The following RNF34 variants were observed in gnomAD, a reference collection of about 807,000 sequenced individuals.
The protein encoded by RNF34 is ring finger protein 34.
In RNF34, 12 loss-of-function variants were observed where a neutral mutation model predicts 37.9. The ratio of observed to expected loss-of-function variants is 0.32; its 90% confidence interval spans 0.20 to 0.51. The LOEUF is 0.51. Ranked by LOEUF, RNF34 falls within the 20% of genes least tolerant of loss-of-function variation. The probability of loss-of-function intolerance (pLI) is 0.97; values close to 1 mark genes in which losing one functional copy is unlikely to be tolerated. For missense variants in RNF34, 362 were observed against 472.7 expected (o/e 0.77, Z 2.17); for synonymous variants, 155 against 177.2 (o/e 0.87, Z 1.00).
At chr12:121,412,724 C>CTTTTT (rs1409875276) in intron 1 of RNF34, among the ~76,000 whole-genome samples, 2 of 121,916 alleles carry the variant, frequency 1.6e-5, no homozygotes, top group Non-Finnish European at 3.5e-5. Context: ...GATGTTCATG[C>CTTTTT]TTTTTTTTTT....
At position 121,423,395 on chromosome 12, in the gene RNF34, G is replaced by A. The variant is rs369744966; in HGVS notation, c.938G>A (p.Arg313Gln). The change falls in exon 6 of 6, where the codon CGG becomes CAG. Residue 313 changes from arginine to glutamine, a missense_variant. By Grantham distance (43) the Arg-to-Gln change is conservative (BLOSUM62 1). Transcript: ENST00000361234. This position sits in a 1 kb window ranked among gnomAD's most constrained non-coding sequence, Gnocchi z 4.3. ...NEENQKSYGE[R>Q]LQLQDEEDDS... ...CTCTGTTGCCTTTCAGATGGCGAGC[G>A]GCTGCAGCTGCAGGATGAGGAAGAC... 3.2e-5 allele frequency: 51 copies of A among 1,605,570 alleles called. No homozygotes were observed. The Middle Eastern group carries it at 6.6e-4, about 21-fold the overall frequency.
At position 121,400,191 on chromosome 12, in the gene RNF34, C is replaced by T. The variant is rs782288414; in HGVS notation, c.-22C>T. 1 of 1,607,784 alleles carries T rather than the reference C, an allele frequency of 6.2e-7. No homozygotes were observed. Among genetic ancestry groups the T allele is most frequent in the East Asian group, 2.2e-5 (1 of 44,600 alleles). On this transcript the variant is annotated 5_prime_UTR_variant, in exon 1 of 6. Coordinates refer to ENST00000361234, the MANE Select transcript of RNF34 (RefSeq NM_025126.4). ...GTGCTGAGTTTCCTGGTAGAGCCGG[C>T]CGAGCTGAGGCGGTCGCGGCCATGA...
intron 5 of RNF34, among the ~76,000 whole-genome samples, chr12:121,421,187 C>G (rs1872094958): frequency 6.6e-6 from 1 of 151,818 alleles, no homozygotes; most frequent in African/African-American, 2.4e-5. Flanking sequence ...TTACATAGTT[C>G]TTAGCATCAA....
intron 1 of RNF34, among the ~76,000 whole-genome samples, chr12:121,411,093 C>T (rs940318579): frequency 2.0e-5 from 3 of 152,132 alleles, no homozygotes; most frequent in African/African-American, 7.2e-5. Context: ...GCCACCACAC[C>T]TGGCTAATTT....
At chr12:121,407,277 C>T (rs1315446287) in intron 1 of RNF34, among the ~76,000 whole-genome samples, 23 of 152,124 alleles carry the variant, frequency 1.5e-4, no homozygotes, top group Non-Finnish European at 7.3e-5. Context: ...GCTTTATTCA[C>T]GGAGGAGTAA....
chr12:121,420,284 G>C lies in RNF34; in HGVS notation c.676G>C (p.Asp226His). 6.3e-7 allele frequency: 1 copy of C among 1,597,698 alleles called. No individual in the cohort carries two copies. The highest frequency in any genetic ancestry group is 8.5e-7 in the Non-Finnish European group (1 of 1,170,252). ...TTCAGCAAACACAGAAGATGATGAT[G>C]ACGACGATGATGAGGATGATGATGA... Reference protein sequence around the residue: ...ITSANTEDDDDDDDEDDDDEE... With the variant: ...ITSANTEDDDHDDDEDDDDEE... The change falls in exon 4 of 6, where the codon GAC (aspartate) becomes CAC (histidine). Residue 226 changes from aspartate (D) to histidine (H), a missense_variant. Coordinates refer to ENST00000361234, the MANE Select transcript of RNF34 (RefSeq NM_025126.4).
At chr12:121,414,083 T>C (rs1871346959) in intron 1 of RNF34, among the ~76,000 whole-genome samples, 1 of 152,236 alleles carries the variant, frequency 6.6e-6, no homozygotes, top group South Asian at 2.1e-4. Flanking sequence ...AAAGTGCCTT[T>C]TGCATTTTAA....
chr12:121,413,575 C>CTTTT (rs35917782), intron 1 of RNF34, among the ~76,000 whole-genome samples: 1 of 108,742 alleles, frequency 9.2e-6, no homozygotes, highest in African/African-American at 4.3e-5. Context: ...CCATGCCCAG[C>CTTTT]TTTTTTTTTT....
intron 1 of RNF34, among the ~76,000 whole-genome samples, chr12:121,405,764 G>A (rs1593649994): frequency 3.4e-5 from 5 of 148,300 alleles, no homozygotes; most frequent in South Asian, 2.2e-4. Flanking sequence ...GATCACAGGC[G>A]TGAGCCACCG....
chr12:121,423,307 G>A lies in RNF34; in HGVS notation c.929-79G>A. 3 of 1,169,192 alleles carry A rather than the reference G, an allele frequency of 2.6e-6. No individual in the cohort carries two copies. Among genetic ancestry groups the A allele is most frequent in the Non-Finnish European group, 2.4e-6 (2 of 827,416 alleles). The allele number at this position is 1,169,192 out of a possible 1,614,324, so 72.4% of individuals were successfully genotyped here. A position where few individuals can be genotyped will look rare whatever the true frequency, so the allele number is the denominator to read the frequency against. On this transcript the variant is annotated intron_variant, in intron 5 of 5. Coordinates refer to ENST00000361234, the MANE Select transcript of RNF34 (RefSeq NM_025126.4). The surrounding 1 kb of genome is among the most constrained non-coding windows in gnomAD (Gnocchi z 4.3). ...TGCAGGGGTCATTCAGCAGGTGGCT[G>A]CTCAGCTTCGGACTGGGAGGGTGGC...
chr12:121,407,645 G>A (rs1870673425), intron 1 of RNF34, among the ~76,000 whole-genome samples: 1 of 152,242 alleles, frequency 6.6e-6, no homozygotes, highest in Non-Finnish European at 1.5e-5. Flanking sequence ...CTTACTATCA[G>A]TATGGAAGCA....
chr12:121,417,581 T>A lies in RNF34; in HGVS notation c.303T>A (p.Thr101=), dbSNP rs781865188. ...AAGAAAATCTCCGTAGATGTTCTAC[T>A]TGTCACTTATTACAAGAGACAGCAT... The part of the protein sequence containing the change: ...VLQENLRRCS[T]CHLLQETAFQ... Residue 101 remains threonine, a synonymous_variant, in exon 3 of 6, where the codon ACT becomes ACA. Coordinates refer to ENST00000361234, the MANE Select transcript of RNF34 (RefSeq NM_025126.4). The surrounding 1 kb of genome is among the most constrained non-coding windows in gnomAD (Gnocchi z 5.0). 12 of 1,613,984 alleles carry A rather than the reference T, an allele frequency of 7.4e-6. No homozygotes were observed. The Admixed American group carries it at 2.0e-4, about 27-fold the overall frequency.
chr12:121,413,811 G>A (rs1178166162), intron 1 of RNF34, among the ~76,000 whole-genome samples: 4 of 151,886 alleles, frequency 2.6e-5, no homozygotes, highest in Non-Finnish European at 5.9e-5. Context: ...TCCTGATCTC[G>A]TGATCCACCC....
Position 121,402,885 on chromosome 12 carries a change from T to G in RNF34, c.6+2667T>G, listed in dbSNP as rs1870133961. The G allele has an allele frequency of 4.5e-6, 5 of 1,101,094 alleles. No individual in the cohort carries two copies. The African/African-American group carries it at 7.8e-5, about 17-fold the overall frequency. The allele number at this position is 1,101,094 out of a possible 1,614,324, so 68.2% of individuals were successfully genotyped here. A position where few individuals can be genotyped will look rare whatever the true frequency, so the allele number is the denominator to read the frequency against. On this transcript the variant is annotated intron_variant, in intron 1 of 5. Coordinates refer to ENST00000361234, the MANE Select transcript of RNF34 (RefSeq NM_025126.4). ...AATGTCTTGTCTAAAAGTATTACAT[T>G]TTAGAGTTCATCATCTGTTTTTGCA...
intron 1 of RNF34, 88 bp from the exon 2 acceptor site, chr12:121,416,071 T>G: frequency 9.4e-7 from 1 of 1,062,220 alleles, no homozygotes; most frequent in Non-Finnish European, 1.4e-6. Context: ...GAGGGCAAAC[T>G]TACCTCTCCA....
At chr12:121,409,219 A>G (rs117736614) in intron 1 of RNF34, among the ~76,000 whole-genome samples, 3,231 of 152,234 alleles carry the variant, frequency 0.021, 69 homozygotes, top group East Asian at 0.12. Flanking sequence ...TCCTCAGGTG[A>G]CCTGCTGGCC....
chr12:121,408,404 C>T (rs1315065089), intron 1 of RNF34, among the ~76,000 whole-genome samples: 5 of 151,830 alleles, frequency 3.3e-5, no homozygotes, highest in African/African-American at 9.7e-5. Context: ...ATCATACCAC[C>T]GCACTCCAGC....
chr12:121,422,860 G>C (rs1872283309), intron 5 of RNF34, among the ~76,000 whole-genome samples: 1 of 152,200 alleles, frequency 6.6e-6, no homozygotes, highest in South Asian at 2.1e-4. Context: ...CAGATGGCTT[G>C]AGATGATTCT....
intron 1 of RNF34, among the ~76,000 whole-genome samples, chr12:121,410,142 G>A (rs1305816): frequency 1.5e-4 from 22 of 148,136 alleles, no homozygotes; most frequent in African/African-American, 5.7e-4. Flanking sequence ...CAACAAGAGC[G>A]AAACTCCGTC....
Sources: allele counts gnomAD v4.1 joint callset (sites outside exome capture counted in the v4.1 genomes callset), GRCh38; gene constraint gnomAD v4.1.1; non-coding constraint Gnocchi (gnomAD v3.1); transcripts MANE v1.5; gene names NCBI Gene and HGNC (gene_info 2026-07-23, HGNC 2026-07-21).